Variants in ADAMTS2 observed in about 807,000 individuals in gnomAD.
ADAMTS2 encodes the protein A disintegrin and metalloproteinase with thrombospondin motifs 2.
A neutral mutation model predicts 123.0 loss-of-function variants in ADAMTS2; 50 were observed. That is an observed-to-expected ratio of 0.41 (90% CI 0.32 to 0.51). The LOEUF is 0.51. Ranked by LOEUF, ADAMTS2 falls within the 20% of genes least tolerant of loss-of-function variation. The pLI is 0.35. For missense variants in ADAMTS2, 1,494 were observed against 1,705.2 expected, an observed-to-expected ratio of 0.88 and a Z score of 2.18; for synonymous variants, 678 against 695.4, an observed-to-expected ratio of 0.98 and a Z score of 0.39.
At position 179,304,833 on chromosome 5, in the gene ADAMTS2, C is replaced by G. The variant is rs186744922; in HGVS notation, c.535-31769G>C. Among the ~76,000 whole-genome samples the G allele has an allele frequency of 8.5e-3, 1,295 of 151,998 alleles. 31 individuals are homozygous for G. Among genetic ancestry groups the G allele is most frequent in the Admixed American group, 0.056 (853 of 15,286 alleles). On this transcript the variant is annotated intron_variant, in intron 2 of 21. Coordinates refer to ENST00000251582, the MANE Select transcript of ADAMTS2 (RefSeq NM_014244.5). ...CTCAAATTCTGTGAAATGCATAAAC[C>G]TACCAATTCAACAGATCGGCAAACC...
In ADAMTS2 at chr5:179,158,793, C is replaced by T. The variant is rs745324060; in HGVS notation, c.1062G>A (p.Thr354=). 4.0e-5 allele frequency: 65 copies of T among 1,614,250 alleles called. No individual in the cohort carries two copies. Among genetic ancestry groups the T allele is most frequent in the South Asian group, 3.6e-4 (33 of 91,088 alleles). Residue 354 remains threonine (T), a synonymous_variant, in exon 6 of 22, where the codon ACG becomes ACA. Transcript: ENST00000251582. The surrounding 1 kb of genome is among the most constrained non-coding windows in gnomAD (Gnocchi z 5.0). Reference sequence around the variant, plus strand: ...CGTGATCGTGGTATTCATCGTGGCCCGTGTCTGGCTTCTGCTGGAGGTAGG... The same window carrying T: ...CGTGATCGTGGTATTCATCGTGGCCTGTGTCTGGCTTCTGCTGGAGGTAGG... The part of the protein sequence containing the change: ...RWAYLQQKPD[T]GHDEYHDHAI...
chr5:179,128,232 G>T lies in ADAMTS2; in HGVS notation c.2458-114C>A. On this transcript the variant is annotated intron_variant, in intron 16 of 21. Transcript: ENST00000251582. This position sits in a 1 kb window ranked among gnomAD's most constrained non-coding sequence, Gnocchi z 4.9. Reference sequence around the variant, plus strand: ...CAGAGGAGTCTCATCATTCATGGCAGTTACATTCCATGAAGTCGCCCCGAG... The same window carrying T: ...CAGAGGAGTCTCATCATTCATGGCATTTACATTCCATGAAGTCGCCCCGAG... 1 of 1,337,772 alleles carries T rather than the reference G, an allele frequency of 7.5e-7. No individual in the cohort carries two copies. Among genetic ancestry groups the T allele is most frequent in the Non-Finnish European group, 1.0e-6 (1 of 958,408 alleles). 82.9% of individuals were successfully genotyped at this position (1,337,772 alleles called of 1,614,324 possible).
chr5:179,185,919 G>A lies in ADAMTS2; in HGVS notation c.892-4764C>T, dbSNP rs1182485818. Reference sequence around the variant, plus strand: ...GCAAATGCTCCCAGCAGGTAGCCAGGGAGAAGGAGGCCAGGCCGCAGCCAA... The same window carrying A: ...GCAAATGCTCCCAGCAGGTAGCCAGAGAGAAGGAGGCCAGGCCGCAGCCAA... On this transcript the variant is annotated intron_variant, in intron 4 of 21. Coordinates refer to ENST00000251582, the MANE Select transcript of ADAMTS2 (RefSeq NM_014244.5). This position sits in a 1 kb window ranked among gnomAD's most constrained non-coding sequence, Gnocchi z 5.9. Among the ~76,000 whole-genome samples, 1 of 152,036 alleles carries A rather than the reference G, an allele frequency of 6.6e-6. No homozygotes were observed. The highest frequency in any genetic ancestry group is 1.9e-4 in the East Asian group (1 of 5,150).
chr5:179,247,032 A>T (rs1421055620), intron 3 of ADAMTS2, among the ~76,000 whole-genome samples: 1 of 152,224 alleles, frequency 6.6e-6, no homozygotes, highest in Non-Finnish European at 1.5e-5. Context: ...GGAAATAAAA[A>T]AGACCTTCCC....
rs1756942247 is a variant in ADAMTS2, at chr5:179,314,903, C to A, written c.534+28864G>T. Among the ~76,000 whole-genome samples, 1 of 152,126 alleles carries A rather than the reference C, an allele frequency of 6.6e-6. No individual in the cohort carries two copies. The highest frequency in any genetic ancestry group is 2.1e-4 in the South Asian group (1 of 4,834). Reference sequence around the variant, plus strand: ...TGGCCCGGGAGCCTCAAGCCCAGGGCCTACCTAGAAGTAACTCTCTTTCCT... The same window carrying A: ...TGGCCCGGGAGCCTCAAGCCCAGGGACTACCTAGAAGTAACTCTCTTTCCT... On this transcript the variant is annotated intron_variant, in intron 2 of 21. Coordinates refer to ENST00000251582, the MANE Select transcript of ADAMTS2 (RefSeq NM_014244.5). The surrounding 1 kb of genome is among the most constrained non-coding windows in gnomAD (Gnocchi z 4.5).
chr5:179,176,252 T>A (rs1435392684), intron 5 of ADAMTS2, among the ~76,000 whole-genome samples: 1 of 152,090 alleles, frequency 6.6e-6, no homozygotes, highest in Non-Finnish European at 1.5e-5. Flanking sequence ...TACGGGGCCG[T>A]CACGCCCTTG....
chr5:179,209,522 G>A (rs1011686284), intron 3 of ADAMTS2, among the ~76,000 whole-genome samples: 1 of 151,126 alleles, frequency 6.6e-6, no homozygotes. Flanking sequence ...ACACACACAT[G>A]CACACACACA....
chr5:179,282,268 G>C (rs1395305433), intron 2 of ADAMTS2, among the ~76,000 whole-genome samples: 7 of 152,140 alleles, frequency 4.6e-5, no homozygotes, highest in Non-Finnish European at 1.0e-4. Context: ...TATAGTTTTA[G>C]CTCTTACATG....
chr5:179,323,376 T>C (rs422172), intron 2 of ADAMTS2, among the ~76,000 whole-genome samples: 100,812 of 152,122 alleles, frequency 0.66, 33,973 homozygotes, highest in African/African-American at 0.72. Context: ...GAGAATACTT[T>C]GGGGAGGAGA....
chr5:179,290,708 C>T (rs1444316938), intron 2 of ADAMTS2, among the ~76,000 whole-genome samples: 3 of 152,250 alleles, frequency 2.0e-5, no homozygotes, highest in Non-Finnish European at 4.4e-5. Context: ...TCCCTCAGTG[C>T]TCTCTGGCCG....
intron 2 of ADAMTS2, among the ~76,000 whole-genome samples, chr5:179,281,656 A>C (rs1766914666): frequency 6.6e-6 from 1 of 152,158 alleles, no homozygotes; most frequent in Admixed American, 6.5e-5. Flanking sequence ...ACATCTGTGG[A>C]CAAGTTTTTG....
At position 179,245,782 on chromosome 5, in the gene ADAMTS2, AAAAAAAAAAAAAAC is replaced by A. The variant is rs1765781226; in HGVS notation, c.688+27115_688+27128del. On this transcript the variant is annotated intron_variant, in intron 3 of 21. Transcript: ENST00000251582. ...CTCCGTCTCAAAAAAAAAAAAAAAA[AAAAAAAAAAAAAAC>A]AAAAAAAACAAAGATGGGGGTGGAA... is the stretch of plus-strand genomic sequence containing the variant. Among the ~76,000 whole-genome samples the A allele has an allele frequency of 6.1e-5, 8 of 132,140 alleles. 1 individual carries two copies. Among genetic ancestry groups the A allele is most frequent in the Middle Eastern group, 3.8e-3 (1 of 260 alleles). 86.7% of individuals were successfully genotyped at this position (132,140 alleles called of 152,430 possible).
chr5:179,287,629 C>T (rs989218488), intron 2 of ADAMTS2, among the ~76,000 whole-genome samples: 1 of 152,226 alleles, frequency 6.6e-6, no homozygotes, highest in South Asian at 2.1e-4. Context: ...AGATGTGTGG[C>T]GTGTTTTGAA....
rs771656432 is a variant in ADAMTS2 at position 179,340,695 on chromosome 5, G to A, written c.534+3072C>T. ...GGGGGATGATGTCGGGATATGTTCCGTAGGGTGCTGTGAGGATTAAACAAG... is the reference window on the plus strand; with the variant it reads ...GGGGGATGATGTCGGGATATGTTCCATAGGGTGCTGTGAGGATTAAACAAG... On this transcript the variant is annotated intron_variant, in intron 2 of 21. Coordinates refer to ENST00000251582, the MANE Select transcript of ADAMTS2 (RefSeq NM_014244.5). Among the ~76,000 whole-genome samples the A allele has an allele frequency of 7.9e-5, 12 of 152,244 alleles. No homozygotes were observed. The South Asian group carries it at 8.3e-4, about 11-fold the overall frequency.
intron 3 of ADAMTS2, among the ~76,000 whole-genome samples, chr5:179,240,211 G>A (rs1765631623): frequency 6.6e-6 from 1 of 152,224 alleles, no homozygotes; most frequent in African/African-American, 2.4e-5. Context: ...CAGTCTGGCT[G>A]CTAGCGGCAC....
At chr5:179,126,186 G>A in intron 17 of ADAMTS2, 56 bp from the exon 18 acceptor site, 2 of 1,608,890 alleles carry the variant, frequency 1.2e-6, no homozygotes, top group East Asian at 2.2e-5. Flanking sequence ...GCCCGAGGGT[G>A]CAAGGAGGGG....
chr5:179,319,134 C>G (rs540826825), intron 2 of ADAMTS2, among the ~76,000 whole-genome samples: 11 of 152,140 alleles, frequency 7.2e-5, no homozygotes, highest in Admixed American at 7.2e-4. Context: ...AATGTCCATA[C>G]GCATCACATG....
chr5:179,140,285 TA>T lies in ADAMTS2; in HGVS notation c.1630-251del, dbSNP rs543925168. Among the ~76,000 whole-genome samples the T allele has an allele frequency of 3.3e-3, 506 of 152,344 alleles. 13 individuals are homozygous for T. The highest frequency in any genetic ancestry group is 6.5e-4 in the Non-Finnish European group (44 of 68,028). On this transcript the variant is annotated intron_variant, in intron 10 of 21. Coordinates refer to ENST00000251582, the MANE Select transcript of ADAMTS2 (RefSeq NM_014244.5). Reference sequence around the variant, plus strand: ...CTTGCTGACCCACCCTCCTGCCTTCTAGCAGCTCTGTGTCCCCTCAGCTGGA... The same window carrying T: ...CTTGCTGACCCACCCTCCTGCCTTCTGCAGCTCTGTGTCCCCTCAGCTGGA...
intron 3 of ADAMTS2, among the ~76,000 whole-genome samples, chr5:179,268,826 C>T (rs1375658397): frequency 2.0e-5 from 3 of 152,196 alleles, no homozygotes; most frequent in Admixed American, 6.5e-5. Flanking sequence ...GTGACCCAGA[C>T]GGGCGCCTCC....
Sources: gnomAD v4.1 joint callset for allele counts (sites outside exome capture counted in the v4.1 genomes callset) on GRCh38, gnomAD v4.1.1 for gene constraint, Gnocchi (gnomAD v3.1) non-coding constraint, MANE v1.5 for transcripts, NCBI Gene and HGNC (gene_info 2026-07-23, HGNC 2026-07-21) for gene names.